PRKCE: variants seen among roughly 807,000 people sequenced by gnomAD.
The protein encoded by PRKCE is protein kinase C epsilon, also known as protein kinase C epsilon type.
Under a neutral mutation model 85.4 loss-of-function variants are expected in PRKCE, and 16 were observed. The ratio of observed to expected loss-of-function variants is 0.19; its 90% CI spans 0.13 to 0.28. The LOEUF is 0.28. PRKCE is among the 10% of genes least tolerant of loss of function. The pLI is 1.00. For synonymous variants in PRKCE, 388 were observed against 371.5 expected (o/e 1.04, Z -0.51); for missense variants, 573 against 975.2 (o/e 0.59, Z 5.49).
chr2:45,793,949 G>A (rs184027586), intron 1 of PRKCE, among the ~76,000 whole-genome samples: 2 of 152,246 alleles, frequency 1.3e-5, no homozygotes, highest in African/African-American at 2.4e-5. Flanking sequence ...GATATTAACA[G>A]AAATGAAAAG....
chr2:46,057,299 C>G (rs1300497457), intron 10 of PRKCE, among the ~76,000 whole-genome samples: 1 of 152,214 alleles, frequency 6.6e-6, no homozygotes, highest in Non-Finnish European at 1.5e-5. Flanking sequence ...GGAAACATTC[C>G]TGTAACGATC....
At chr2:45,775,598 A>G (rs1410694854) in intron 1 of PRKCE, among the ~76,000 whole-genome samples, 2 of 152,194 alleles carry the variant, frequency 1.3e-5, no homozygotes, top group Non-Finnish European at 2.9e-5. Context: ...GAATAAATCC[A>G]GAATCTGACC....
intron 12 of PRKCE, among the ~76,000 whole-genome samples, chr2:46,149,800 G>A (rs1676434651): frequency 6.7e-6 from 1 of 150,250 alleles, no homozygotes; most frequent in African/African-American, 2.4e-5. Flanking sequence ...TGTGTATCAT[G>A]TATTTATGAC....
chr2:45,859,607 A>G (rs1558761292), intron 2 of PRKCE, among the ~76,000 whole-genome samples: 1 of 152,196 alleles, frequency 6.6e-6, no homozygotes, highest in Non-Finnish European at 1.5e-5. Flanking sequence ...CTTTCCTCAA[A>G]AATGTCTGTT....
At chr2:45,776,483 C>G (rs986097470) in intron 1 of PRKCE, among the ~76,000 whole-genome samples, 16 of 152,156 alleles carry the variant, frequency 1.1e-4, no homozygotes, top group African/African-American at 3.9e-4. Flanking sequence ...TTAGGGTGTC[C>G]TAATAAACGG....
chr2:46,165,812 G>A (rs1005263142), intron 14 of PRKCE, among the ~76,000 whole-genome samples: 1 of 152,208 alleles, frequency 6.6e-6, no homozygotes, highest in Non-Finnish European at 1.5e-5. Context: ...CTGGAATGGG[G>A]GGAAGCCAGC....
chr2:45,889,921 T>C (rs1218656824), intron 2 of PRKCE, among the ~76,000 whole-genome samples: 4 of 152,216 alleles, frequency 2.6e-5, no homozygotes, highest in African/African-American at 7.2e-5. Context: ...TCTTCTGTGC[T>C]CTTTAGGCTC....
intron 11 of PRKCE, among the ~76,000 whole-genome samples, chr2:46,116,314 T>C (rs1672761283): frequency 6.6e-6 from 1 of 152,210 alleles, no homozygotes; most frequent in African/African-American, 2.4e-5. Context: ...CAGGAAACAG[T>C]GTGCACAGAT....
intron 2 of PRKCE, among the ~76,000 whole-genome samples, chr2:45,916,471 C>A (rs985536856): frequency 6.6e-6 from 1 of 152,052 alleles, no homozygotes; most frequent in African/African-American, 2.4e-5. Flanking sequence ...TCTTTTAATT[C>A]CTGAGCTCAA....
At chr2:45,867,185 G>T (rs1162151052) in intron 2 of PRKCE, among the ~76,000 whole-genome samples, 1 of 152,156 alleles carries the variant, frequency 6.6e-6, no homozygotes, top group African/African-American at 2.4e-5. Context: ...CAGAAAAACA[G>T]TAGAAAAGGC....
chr2:46,147,133 T>C (rs1484300028), intron 12 of PRKCE, among the ~76,000 whole-genome samples: 1 of 152,194 alleles, frequency 6.6e-6, no homozygotes, highest in African/African-American at 2.4e-5. Flanking sequence ...AGAACCTTTA[T>C]CTTCTAAGAG....
chr2:45,749,615 T>C (rs1420357221), intron 1 of PRKCE, among the ~76,000 whole-genome samples: 3 of 152,242 alleles, frequency 2.0e-5, no homozygotes, highest in Non-Finnish European at 4.4e-5. Context: ...ATAGCACACA[T>C]AATGAAAATT....
At chr2:46,003,192 C>G (rs372891702) in intron 7 of PRKCE, among the ~76,000 whole-genome samples, 1 of 152,208 alleles carries the variant, frequency 6.6e-6, no homozygotes, top group East Asian at 1.9e-4. Flanking sequence ...TGGTCTGAAG[C>G]TCAAAGGCTT....
chr2:45,861,531 C>A (rs998256207), intron 2 of PRKCE, among the ~76,000 whole-genome samples: 1 of 152,136 alleles, frequency 6.6e-6, no homozygotes, highest in Non-Finnish European at 1.5e-5. Flanking sequence ...TTAGCCCATT[C>A]TTCAATAAAT....
At chr2:46,090,137 A>T (rs1670022150) in intron 11 of PRKCE, among the ~76,000 whole-genome samples, 1 of 152,170 alleles carries the variant, frequency 6.6e-6, no homozygotes, top group African/African-American at 2.4e-5. Flanking sequence ...GTCTACTTTT[A>T]TGTATGTTTT....
chr2:45,677,858 G>A (rs373439049), intron 1 of PRKCE: 2 of 985,458 alleles, frequency 2.0e-6, no homozygotes, highest in East Asian at 1.1e-4. Flanking sequence ...GATGGGCAGT[G>A]AAAAAGACGA....
chr2:45,979,129 C>A, intron 4 of PRKCE, 119 bp downstream of exon 4: 1 of 953,038 alleles, frequency 1.0e-6, no homozygotes, highest in Non-Finnish European at 1.6e-6. Context: ...AGCTTGCATG[C>A]TTTCTTTGTT....
At chr2:46,030,537 A>G (rs945838974) in intron 10 of PRKCE, among the ~76,000 whole-genome samples, 2 of 152,090 alleles carry the variant, frequency 1.3e-5, no homozygotes, top group Non-Finnish European at 2.9e-5. Flanking sequence ...CTCCCTGGGG[A>G]TTCTGAAGTC....
intron 2 of PRKCE, among the ~76,000 whole-genome samples, chr2:45,883,021 A>G (rs1477766363): frequency 6.6e-6 from 1 of 152,256 alleles, no homozygotes; most frequent in Non-Finnish European, 1.5e-5. Flanking sequence ...GTCGCTACTC[A>G]AATACTTGGC....
Sources: allele counts gnomAD v4.1 joint callset (sites outside exome capture counted in the v4.1 genomes callset), GRCh38; gene constraint gnomAD v4.1.1; transcripts MANE v1.5; gene names NCBI Gene and HGNC (gene_info 2026-07-23, HGNC 2026-07-21).